Variants in SAMD3 observed in about 807,000 individuals in gnomAD.
SAMD3 encodes the protein sterile alpha motif domain-containing protein 3.
Under a neutral mutation model 58.5 loss-of-function variants are expected in SAMD3, and 63 were observed. The ratio of observed to expected loss-of-function variants is 1.08; its 90% CI spans 0.88 to 1.33. SAMD3 has a LOEUF of 1.33. Among genes scored for constraint, SAMD3 ranks in the 40% most tolerant of loss-of-function variants. The pLI is 0.00. For missense variants in SAMD3, 604 were observed against 608.4 expected (o/e 0.99, Z 0.08); for synonymous variants, 220 against 210.3 (o/e 1.05, Z -0.40).
intron 1 of SAMD3, among the ~76,000 whole-genome samples, chr6:130,338,403 G>A (rs761045401): frequency 5.9e-5 from 9 of 152,246 alleles, no homozygotes; most frequent in Non-Finnish European, 1.2e-4. Context: ...GAAATGTGGG[G>A]TTGTAGCCCC....
intron 9 of SAMD3, among the ~76,000 whole-genome samples, chr6:130,154,143 G>C (rs1169439605): frequency 2.0e-5 from 3 of 151,896 alleles, no homozygotes; most frequent in Admixed American, 2.0e-4. Context: ...CCTAAGTGAT[G>C]ATCCGCCACC....
chr6:130,174,007 A>G (rs1791489745), intron 8 of SAMD3, among the ~76,000 whole-genome samples: 1 of 152,154 alleles, frequency 6.6e-6, no homozygotes, highest in Non-Finnish European at 1.5e-5. Context: ...AAGCCCCAGT[A>G]ATGGCGGACA....
chr6:130,268,140 C>T lies in SAMD3; in HGVS notation c.-188+44838G>A, dbSNP rs1774428972. Among the ~76,000 whole-genome samples the T allele has an allele frequency of 3.3e-5, 5 of 152,220 alleles. No homozygotes were observed. In the South Asian group the frequency reaches 8.3e-4, roughly 25 times the overall value. On this transcript the variant is annotated intron_variant, in intron 2 of 13. Transcript: ENST00000368134. Reference sequence around the variant, plus strand: ...CCTGTAAAGACATTGATGATCCCAGCCCTGTGGAAGCCTAGGCTGCTGTGT... The same window carrying T: ...CCTGTAAAGACATTGATGATCCCAGTCCTGTGGAAGCCTAGGCTGCTGTGT...
At chr6:130,335,507 C>G (rs1338043032) in intron 1 of SAMD3, among the ~76,000 whole-genome samples, 1 of 152,222 alleles carries the variant, frequency 6.6e-6, no homozygotes, top group South Asian at 2.1e-4. Context: ...TCCACTCAAT[C>G]AACATGATCA....
At chr6:130,360,428 G>A (rs937330525) in intron 1 of SAMD3, among the ~76,000 whole-genome samples, 1 of 152,168 alleles carries the variant, frequency 6.6e-6, no homozygotes, top group African/African-American at 2.4e-5. Context: ...GACATCACAT[G>A]TTGGTAGGTT....
At chr6:130,361,365 G>A (rs576341856) in intron 1 of SAMD3, among the ~76,000 whole-genome samples, 80 of 152,220 alleles carry the variant, frequency 5.3e-4, no homozygotes, top group African/African-American at 1.4e-3. Flanking sequence ...CTGACTTCCC[G>A]CAACATGAAA....
chr6:130,279,205 G>C (rs986434387), intron 2 of SAMD3, among the ~76,000 whole-genome samples: 1 of 152,094 alleles, frequency 6.6e-6, no homozygotes, highest in Non-Finnish European at 1.5e-5. Flanking sequence ...TGGTTTGGCT[G>C]TGTCCCCCAC....
chr6:130,160,757 A>G (rs2114611917), intron 8 of SAMD3: 1 of 152,320 alleles, frequency 6.6e-6, no homozygotes, highest in East Asian at 1.9e-4. Context: ...AAAGGGAGAA[A>G]ATTATAGGAG....
chr6:130,195,674 C>G (rs1389463497), intron 5 of SAMD3, among the ~76,000 whole-genome samples: 2 of 152,180 alleles, frequency 1.3e-5, no homozygotes, highest in Non-Finnish European at 2.9e-5. Context: ...CCATCAGGCT[C>G]AGCAAATTAC....
chr6:130,351,090 G>A (rs906445691), intron 1 of SAMD3, among the ~76,000 whole-genome samples: 1 of 152,116 alleles, frequency 6.6e-6, no homozygotes, highest in Non-Finnish European at 1.5e-5. Context: ...ATGGATTAAA[G>A]ACTTACAGGT....
intron 4 of SAMD3, among the ~76,000 whole-genome samples, chr6:130,213,186 T>C (rs550207116): frequency 6.6e-6 from 1 of 152,124 alleles, no homozygotes; most frequent in African/African-American, 2.4e-5. Context: ...TAATCCCAAC[T>C]GCTTGGGAGG....
intron 1 of SAMD3, among the ~76,000 whole-genome samples, chr6:130,314,544 A>T (rs917144219): frequency 1.3e-5 from 2 of 152,242 alleles, no homozygotes; most frequent in Non-Finnish European, 2.9e-5. Flanking sequence ...GGTATTAGTC[A>T]TACTTGCTCA....
chr6:130,239,992 A>G (rs1773299860), intron 2 of SAMD3, among the ~76,000 whole-genome samples: 2 of 152,200 alleles, frequency 1.3e-5, no homozygotes, highest in Admixed American at 1.3e-4. Flanking sequence ...TCATGTAAAT[A>G]GCTAACAAGC....
rs1487224941 is a variant in SAMD3 at position 130,358,185 on chromosome 6, C to CA, written c.-304+6934dup. Reference sequence around the variant, plus strand: ...CCTAGCAGGATATTTAAAAATCAAGCAACCATTACCTTGCCTTTTTCTGTG... The same window carrying CA: ...CCTAGCAGGATATTTAAAAATCAAGCAAACCATTACCTTGCCTTTTTCTGTG... On this transcript the variant is annotated intron_variant, in intron 1 of 13. Coordinates refer to the SAMD3 transcript ENST00000368134. Among the ~76,000 whole-genome samples the CA allele has an allele frequency of 3.7e-4, 56 of 152,266 alleles. 1 individual carries two copies. Among genetic ancestry groups the CA allele is most frequent in the Middle Eastern group, 3.4e-3 (1 of 294 alleles).
chr6:130,354,013 G>A (rs1242532679), intron 1 of SAMD3, among the ~76,000 whole-genome samples: 1 of 152,044 alleles, frequency 6.6e-6, no homozygotes, highest in Non-Finnish European at 1.5e-5. Context: ...GTGGGCAAAG[G>A]ACATGAACAG....
rs1169066063 is a variant in SAMD3 at position 130,357,118 on chromosome 6, C to CTTTT, written c.-304+7998_-304+8001dup. 2.0e-3 allele frequency among the ~76,000 whole-genome samples: 180 copies of CTTTT among 91,724 alleles called. 4 individuals carry two copies. The highest frequency in any genetic ancestry group is 4.7e-3 in the African/African-American group (105 of 22,314). 60.2% of individuals were successfully genotyped at this position (91,724 alleles called of 152,430 possible). ...TTTAAAAAATTATCTGCCATGGCAT[C>CTTTT]TTTTTTTTTTTTTTTTTTTTTTTTG... On this transcript the variant is annotated intron_variant, in intron 1 of 13. Transcript: ENST00000368134.
chr6:130,193,430 G>A (rs1042975669), intron 5 of SAMD3, among the ~76,000 whole-genome samples: 3 of 151,466 alleles, frequency 2.0e-5, no homozygotes, highest in African/African-American at 7.3e-5. Context: ...TCTGCGCCCT[G>A]ATCCCTTATT....
chr6:130,365,686 G>C (rs988988952), upstream of SAMD3: 7 of 985,354 alleles, frequency 7.1e-6, no homozygotes, highest in African/African-American at 1.2e-4. Context: ...GTTTCCGCAC[G>C]CCAGCCTTCC....
At chr6:130,207,705 G>A (rs1795201131) in intron 5 of SAMD3, among the ~76,000 whole-genome samples, 4 of 152,150 alleles carry the variant, frequency 2.6e-5, no homozygotes, top group African/African-American at 2.4e-5. Context: ...TTCAATCCAG[G>A]AAGACCAAGG....
Sources: gnomAD v4.1 joint callset for allele counts (sites outside exome capture counted in the v4.1 genomes callset) on GRCh38, gnomAD v4.1.1 for gene constraint, MANE v1.5 for transcripts, NCBI Gene and HGNC (gene_info 2026-07-23, HGNC 2026-07-21) for gene names.